Variants in AMD1 observed in about 807,000 individuals in gnomAD.
The protein encoded by AMD1 is adenosylmethionine decarboxylase 1, also known as S-adenosylmethionine decarboxylase proenzyme.
AMD1 carries 11 observed loss-of-function variants against 40.2 expected under a neutral mutation model. The ratio of observed to expected loss-of-function variants is 0.27; its 90% CI spans 0.17 to 0.45. The LOEUF (loss-of-function observed/expected upper bound fraction) is 0.45, where lower values mean the gene tolerates loss of function less well. Among genes scored for constraint, AMD1 ranks in the 20% least tolerant of loss-of-function variants. The pLI is 1.00. For synonymous variants in AMD1, 121 were observed against 130.8 expected (o/e 0.93, Z 0.51); for missense variants, 257 against 410.2 (o/e 0.63, Z 3.23).
chr6:110,881,314 A>G (rs561041423), intron 1 of AMD1, among the ~76,000 whole-genome samples: 99 of 152,272 alleles, frequency 6.5e-4, no homozygotes, highest in African/African-American at 2.2e-3. Flanking sequence ...TATCCACTGC[A>G]TGCTGGCAAC....
chr6:110,892,086 T>A, intron 4 of AMD1, 75 bp from the exon 5 acceptor site: 1 of 1,491,016 alleles, frequency 6.7e-7, no homozygotes, highest in Non-Finnish European at 9.3e-7. Context: ...ATTCTGCTTA[T>A]TGTGGAAGGG....
rs778032364 is a variant in AMD1 at position 110,893,588 on chromosome 6, C to G, written c.977C>G (p.Ala326Gly). The change falls in exon 9 of 9, where the codon GCT becomes GGT. Residue 326 changes from alanine (A) to glycine (G), a missense_variant. Around this residue, in one of 3 missense-constraint regions of AMD1, gnomAD observed 192 missense variants for 296.5 expected, o/e 0.65. Transcript: ENST00000368885. ...NDYNFVFTSF[A>G]KKQQQQQS ...TACAATTTTGTTTTTACCAGTTTTG[C>G]TAAGAAGCAGCAACAACAGCAGAGT... is the stretch of plus-strand genomic sequence containing the variant. 6.3e-5 allele frequency: 101 copies of G among 1,613,682 alleles called. No homozygotes were observed. The Middle Eastern group carries it at 6.6e-4, about 11-fold the overall frequency.
At chr6:110,825,248 G>A in the AMD1 span, among the ~76,000 whole-genome samples, 1 of 152,130 alleles carries the variant, frequency 6.6e-6, no homozygotes, top group Non-Finnish European at 1.5e-5. Flanking sequence ...TATGAATGTG[G>A]TCCTCTTTCT....
At chr6:110,875,593 G>C (rs1180576133) in intron 1 of AMD1, 1 of 170,598 alleles carries the variant, frequency 5.9e-6, no homozygotes, top group Admixed American at 6.4e-5. Context: ...GGTGGGGGTC[G>C]GGGGCGCCTG....
At chr6:110,815,197 T>C in the AMD1 span, 1 of 1,399,568 alleles carries the variant, frequency 7.1e-7, no homozygotes, top group Non-Finnish European at 9.4e-7. Context: ...TCCCTCCTCC[T>C]CCTCCCCCCG....
At chr6:110,878,019 C>A (rs1326925535) in intron 1 of AMD1, among the ~76,000 whole-genome samples, 2 of 152,180 alleles carry the variant, frequency 1.3e-5, no homozygotes, top group African/African-American at 4.8e-5. Context: ...AAATAGCTTT[C>A]CAAAACTAAT....
the AMD1 span, among the ~76,000 whole-genome samples, chr6:110,858,008 A>T: frequency 6.0e-5 from 9 of 150,464 alleles, no homozygotes; most frequent in East Asian, 3.9e-4. Context: ...ATAACTTATT[A>T]TTTTTTTTTC....
the AMD1 span, among the ~76,000 whole-genome samples, chr6:110,835,664 G>A: frequency 2.0e-5 from 3 of 152,112 alleles, no homozygotes; most frequent in Admixed American, 2.0e-4. Flanking sequence ...TCAGGAGTTC[G>A]AGACCAGCCT....
chr6:110,817,566 G>A, the AMD1 span, among the ~76,000 whole-genome samples: 1 of 152,088 alleles, frequency 6.6e-6, no homozygotes, highest in Non-Finnish European at 1.5e-5. Context: ...CTGAGACCAT[G>A]CCACTGCACT....
chr6:110,851,033 G>T, the AMD1 span, among the ~76,000 whole-genome samples: 1 of 151,478 alleles, frequency 6.6e-6, no homozygotes, highest in Non-Finnish European at 1.5e-5. Flanking sequence ...GTGCAATCTT[G>T]GTTCACTGCA....
intron 8 of AMD1, 77 bp downstream of exon 8, chr6:110,893,142 A>G: frequency 7.6e-7 from 1 of 1,308,844 alleles, no homozygotes; most frequent in Non-Finnish European, 1.0e-6. Context: ...GAGGCCTAAG[A>G]TGTATTCTGA....
intron 1 of AMD1, among the ~76,000 whole-genome samples, chr6:110,885,210 G>A (rs1240570986): frequency 1.3e-5 from 2 of 151,938 alleles, no homozygotes; most frequent in Non-Finnish European, 2.9e-5. Context: ...TCCATCTCCC[G>A]CATTCAGTCT....
chr6:110,873,104 G>A (rs12205501), upstream of AMD1, among the ~76,000 whole-genome samples: 8 of 152,068 alleles, frequency 5.3e-5, no homozygotes, highest in Admixed American at 1.3e-4. Context: ...GGCTGGGTGC[G>A]GTGGCCTCCC....
upstream of AMD1, among the ~76,000 whole-genome samples, chr6:110,872,618 T>A (rs1366633858): frequency 6.6e-6 from 1 of 152,232 alleles, no homozygotes. Flanking sequence ...ACAAGGGATT[T>A]TTATTTTTAT....
At chr6:110,822,933 T>C in the AMD1 span, among the ~76,000 whole-genome samples, 1 of 152,108 alleles carries the variant, frequency 6.6e-6, no homozygotes, top group African/African-American at 2.4e-5. Flanking sequence ...CTGACCAATA[T>C]GGAGAAACCC....
Position 110,892,917 on chromosome 6 carries a change from A to G in AMD1, c.716A>G (p.Tyr239Cys). 6.2e-7 allele frequency: 1 copy of G among 1,614,006 alleles called. No individual in the cohort carries two copies. The highest frequency in any genetic ancestry group is 1.7e-5 in the Admixed American group (1 of 60,018). ...SMNGMKSDGT[Y>C]WTIHITPEPE... ...GTGAACTTTTTCTCTCAGGGAACTT[A>G]TTGGACTATTCACATCACTCCAGAA... The change falls in exon 8 of 9, where the codon TAT (tyrosine) becomes TGT (cysteine). Residue 239 changes from tyrosine (Y) to cysteine (C), a missense_variant. This residue lies in a region of AMD1 where 192 missense variants were observed against 296.5 expected (regional missense o/e 0.65). Transcript: ENST00000368885.
the AMD1 span, among the ~76,000 whole-genome samples, chr6:110,829,996 C>A: frequency 1.3e-5 from 2 of 151,602 alleles, no homozygotes; most frequent in Non-Finnish European, 2.9e-5. Context: ...TGTTAAGGAT[C>A]TTTGTTTTTG....
chr6:110,851,716 C>T, the AMD1 span, among the ~76,000 whole-genome samples: 1 of 152,140 alleles, frequency 6.6e-6, no homozygotes, highest in Non-Finnish European at 1.5e-5. Context: ...CCCACGTTGG[C>T]CTCCCAAAAT....
chr6:110,881,347 T>TA (rs994840023), intron 1 of AMD1, among the ~76,000 whole-genome samples: 9 of 152,146 alleles, frequency 5.9e-5, no homozygotes, highest in East Asian at 3.8e-4. Flanking sequence ...CCAGTTGTGA[T>TA]AAAAAATGTC....
Sources: gnomAD v4.1 joint callset for allele counts (sites outside exome capture counted in the v4.1 genomes callset) on GRCh38, gnomAD v4.1.1 for gene constraint, gnomAD v4.1.1 regional missense constraint, MANE v1.5 for transcripts, NCBI Gene and HGNC (gene_info 2026-07-23, HGNC 2026-07-21) for gene names.